The following GTF2F2 variants were observed in gnomAD, a reference collection of about 807,000 sequenced individuals.
GTF2F2 encodes the protein ATP-dependent helicase GTF2F2.
In GTF2F2, 23 loss-of-function variants were observed where a neutral mutation model predicts 42.2. The ratio of observed to expected loss-of-function variants is 0.55; its 90% CI spans 0.39 to 0.77. The LOEUF (loss-of-function observed/expected upper bound fraction) is 0.77, where lower values mean the gene tolerates loss of function less well. GTF2F2 is among the 30% of genes least tolerant of loss of function. The pLI is 0.00. For missense variants in GTF2F2, 261 were observed against 287.2 expected, an observed-to-expected ratio of 0.91 and a Z score of 0.66; for synonymous variants, 105 against 100.8, an observed-to-expected ratio of 1.04 and a Z score of -0.25.
At chr13:45,276,048 A>G (rs1877021425) in intron 7 of GTF2F2, among the ~76,000 whole-genome samples, 1 of 152,208 alleles carries the variant, frequency 6.6e-6, no homozygotes, top group Admixed American at 6.5e-5. Context: ...TGCTATGTAA[A>G]TAATTGTTAT....
chr13:45,162,041 C>A (rs1318336177), intron 4 of GTF2F2, among the ~76,000 whole-genome samples: 1 of 152,158 alleles, frequency 6.6e-6, no homozygotes, highest in East Asian at 1.9e-4. Context: ...TAATTCTCCT[C>A]ACAACTCCAC....
intron 1 of GTF2F2, among the ~76,000 whole-genome samples, chr13:45,135,320 C>T (rs1566110284): frequency 2.0e-5 from 3 of 151,576 alleles, no homozygotes; most frequent in South Asian, 2.1e-4. Flanking sequence ...ATTGCTCTGG[C>T]GCAATCTTGG....
At chr13:45,156,994 A>G (rs1380658294) in intron 4 of GTF2F2, among the ~76,000 whole-genome samples, 1 of 152,186 alleles carries the variant, frequency 6.6e-6, no homozygotes, top group African/African-American at 2.4e-5. Flanking sequence ...ACATAAGTAA[A>G]TTATATTGCT....
intron 5 of GTF2F2, among the ~76,000 whole-genome samples, chr13:45,245,926 C>T (rs1456443509): frequency 1.5e-4 from 21 of 135,696 alleles, no homozygotes; most frequent in African/African-American, 5.6e-4. Context: ...GGGCGACTAG[C>T]GAGACTCCAT....
chr13:45,154,436 A>G (rs537674431), intron 4 of GTF2F2, among the ~76,000 whole-genome samples: 10 of 152,206 alleles, frequency 6.6e-5, no homozygotes, highest in Non-Finnish European at 1.3e-4. Flanking sequence ...TATAAGGATT[A>G]TCTTGGCAGG....
At chr13:45,237,996 C>G (rs1370664460) in intron 5 of GTF2F2, among the ~76,000 whole-genome samples, 2 of 152,154 alleles carry the variant, frequency 1.3e-5, no homozygotes, top group Non-Finnish European at 2.9e-5. Flanking sequence ...CTCTGTAGCC[C>G]AGGCTGGAGT....
chr13:45,277,204 C>T (rs150140809), intron 7 of GTF2F2, among the ~76,000 whole-genome samples: 2 of 152,264 alleles, frequency 1.3e-5, no homozygotes, highest in East Asian at 3.9e-4. Flanking sequence ...GCCATTCTTG[C>T]ATTGCTCTAA....
rs959267498 is a variant in GTF2F2, at chr13:45,207,144, T to C, written c.305-280T>C. 1.5e-4 allele frequency: 47 copies of C among 309,320 alleles called. No individual in the cohort carries two copies. In the South Asian group the frequency reaches 1.9e-3, roughly 12 times the overall value. 19.2% of individuals were successfully genotyped at this position (309,320 alleles called of 1,614,324 possible). ...TCTTTAATTTGATTTTATGCCCTTT[T>C]AAGCTACCTTATTTAGAAGGAGCAG... On this transcript the variant is annotated intron_variant, in intron 4 of 7. Transcript: ENST00000340473.
At chr13:45,161,271 G>A (rs1027761471) in intron 4 of GTF2F2, among the ~76,000 whole-genome samples, 1 of 152,142 alleles carries the variant, frequency 6.6e-6, no homozygotes, top group Non-Finnish European at 1.5e-5. Flanking sequence ...AGTGAAAAAG[G>A]TAATTAAATA....
chr13:45,208,860 A>G (rs1566135766), intron 5 of GTF2F2, among the ~76,000 whole-genome samples: 1 of 152,348 alleles, frequency 6.6e-6, no homozygotes, highest in South Asian at 2.1e-4. Context: ...TTTGGAAAAC[A>G]GGCAGAAGAT....
rs1401273856 is a variant in GTF2F2, at chr13:45,126,332, A to C, written c.66+5611A>C. 1.1e-4 allele frequency among the ~76,000 whole-genome samples: 16 copies of C among 149,794 alleles called. No homozygotes were observed. In the Admixed American group the frequency reaches 1.1e-3, roughly 10 times the overall value. ...AATGGTGTGATCTTGGCTCACTGCA[A>C]GCTCCGCCTCCCGGCTTCAAGCGAT... On this transcript the variant is annotated intron_variant, in intron 1 of 7. Coordinates refer to ENST00000340473, the MANE Select transcript of GTF2F2 (RefSeq NM_004128.3).
At chr13:45,130,542 T>C (rs921549502) in intron 1 of GTF2F2, among the ~76,000 whole-genome samples, 2 of 152,166 alleles carry the variant, frequency 1.3e-5, no homozygotes, top group African/African-American at 4.8e-5. Flanking sequence ...ACAATAATTA[T>C]TCAAGAGATG....
chr13:45,186,299 A>AT (rs1383278682), intron 4 of GTF2F2, among the ~76,000 whole-genome samples: 149 of 131,434 alleles, frequency 1.1e-3, no homozygotes, highest in African/African-American at 3.6e-3. Context: ...TTTAATTTTA[A>AT]TTTTTTTTTT....
chr13:45,255,156 G>C (rs1593520883), intron 6 of GTF2F2, among the ~76,000 whole-genome samples: 1 of 110,768 alleles, frequency 9.0e-6, no homozygotes, highest in African/African-American at 3.6e-5. Flanking sequence ...ACAAGAGTGA[G>C]ACTTTGTCTC....
chr13:45,205,230 C>A (rs1157569179), intron 4 of GTF2F2, among the ~76,000 whole-genome samples: 6 of 152,138 alleles, frequency 3.9e-5, no homozygotes, highest in African/African-American at 1.4e-4. Flanking sequence ...AGGAAACTTA[C>A]ATTCATGGTG....
chr13:45,200,625 A>G (rs1306523906), intron 4 of GTF2F2, among the ~76,000 whole-genome samples: 2 of 152,200 alleles, frequency 1.3e-5, no homozygotes, highest in Non-Finnish European at 2.9e-5. Flanking sequence ...AGATCAGAAT[A>G]TTACTTCACA....
rs564807491 is a variant in GTF2F2 at position 45,239,374 on chromosome 13, A to G, written c.387-13497A>G. Among the ~76,000 whole-genome samples the G allele has an allele frequency of 2.3e-4, 35 of 152,342 alleles. No individual in the cohort carries two copies. In the East Asian group the frequency reaches 5.8e-3, roughly 25 times the overall value. On this transcript the variant is annotated intron_variant, in intron 5 of 7. Coordinates refer to ENST00000340473, the MANE Select transcript of GTF2F2 (RefSeq NM_004128.3). ...TTGTGTTGTCTAGCTAACAGAGGTA[A>G]TATAGTGACTCTCTGGAATGCTGGT...
In GTF2F2 at chr13:45,214,137, A is replaced by G. The variant is rs982006137; in HGVS notation, c.386+6632A>G. 1.6e-4 allele frequency among the ~76,000 whole-genome samples: 24 copies of G among 152,344 alleles called. No individual in the cohort carries two copies. The South Asian group carries it at 2.5e-3, about 16-fold the overall frequency. ...ATCACAAAGTGTATTTCACATTTAT[A>G]AATAATGATCTTTAAGAATGATTAG... is the stretch of plus-strand genomic sequence containing the variant. On this transcript the variant is annotated intron_variant, in intron 5 of 7. Coordinates refer to ENST00000340473, the MANE Select transcript of GTF2F2 (RefSeq NM_004128.3).
intron 3 of GTF2F2, among the ~76,000 whole-genome samples, chr13:45,151,252 A>G (rs1870477655): frequency 6.6e-6 from 1 of 152,198 alleles, no homozygotes; most frequent in Admixed American, 6.5e-5. Context: ...TTCTGCGCTA[A>G]TTTACATAGG....
Sources: allele counts gnomAD v4.1 joint callset (sites outside exome capture counted in the v4.1 genomes callset), GRCh38; gene constraint gnomAD v4.1.1; transcripts MANE v1.5; gene names NCBI Gene and HGNC (gene_info 2026-07-23, HGNC 2026-07-21).